The following ACVR2A variants were observed in gnomAD, a reference collection of about 807,000 sequenced individuals.
The protein encoded by ACVR2A is activin receptor type-2A.
A neutral mutation model predicts 61.4 loss-of-function variants in ACVR2A; 7 were observed. The ratio of observed to expected loss-of-function variants is 0.11; its 90% CI spans 0.06 to 0.21. The LOEUF (loss-of-function observed/expected upper bound fraction) is 0.21. Among genes scored for constraint, ACVR2A ranks in the 10% least tolerant of loss-of-function variants. ACVR2A has a pLI of 1.00. For synonymous variants in ACVR2A, 193 were observed against 208.3 expected (o/e 0.93, Z 0.63); for missense variants, 322 against 621.7 (o/e 0.52, Z 5.13).
chr2:147,884,703 A>G lies in ACVR2A; in HGVS notation c.56-11598A>G, dbSNP rs150236272. Among the ~76,000 whole-genome samples the G allele has an allele frequency of 3.7e-4, 57 of 152,248 alleles. No homozygotes were observed. In the East Asian group the frequency reaches 0.011, roughly 29 times the overall value. ...GGGAAAACAAATAAGGGACTGTGGA[A>G]GGCAAAAGCTTCATCTCTGTATTCT... On this transcript the variant is annotated intron_variant, in intron 1 of 10. Transcript: ENST00000241416.
At chr2:147,925,769 G>C (rs1687486987) in intron 9 of ACVR2A, 1 of 343,314 alleles carries the variant, frequency 2.9e-6, no homozygotes, top group Non-Finnish European at 5.2e-6. Flanking sequence ...ATGGAAATAG[G>C]CATCCTTTAT....
chr2:147,918,404 C>G (rs1362877182), intron 6 of ACVR2A, 43 bp from the exon 7 acceptor site: 2 of 1,570,744 alleles, frequency 1.3e-6, no homozygotes, highest in Admixed American at 1.9e-5. Context: ...TACATATGGC[C>G]TTTGTCAAGA....
chr2:147,901,457 G>A (rs1686870169), intron 4 of ACVR2A, among the ~76,000 whole-genome samples: 1 of 151,984 alleles, frequency 6.6e-6, no homozygotes, highest in Admixed American at 6.6e-5. Context: ...TCCTATGTAT[G>A]TGGTCAGTTT....
At chr2:147,924,357 C>T (rs562972257) in intron 9 of ACVR2A, among the ~76,000 whole-genome samples, 124 of 151,970 alleles carry the variant, frequency 8.2e-4, no homozygotes, top group Middle Eastern at 3.4e-3. Flanking sequence ...AAAATATATC[C>T]TGGACAATTA....
intron 1 of ACVR2A, among the ~76,000 whole-genome samples, chr2:147,865,915 T>C (rs200010035): frequency 3.4e-3 from 511 of 152,274 alleles, no homozygotes; most frequent in East Asian, 8.3e-3. Flanking sequence ...ACAGGGACAC[T>C]TGAGGTGATC....
intron 4 of ACVR2A, among the ~76,000 whole-genome samples, chr2:147,902,388 AGCACAT>A (rs1686890206): frequency 6.6e-6 from 1 of 152,004 alleles, no homozygotes; most frequent in South Asian, 2.1e-4. Context: ...TTTTTCATAA[AGCACAT>A]GCCTTTTGTT....
chr2:147,861,424 G>C (rs1429354661), intron 1 of ACVR2A, among the ~76,000 whole-genome samples: 2 of 152,070 alleles, frequency 1.3e-5, no homozygotes, highest in Non-Finnish European at 2.9e-5. Flanking sequence ...GTAGTTTATT[G>C]GTATAGTTTT....
rs1024670697 is a variant in ACVR2A at position 147,927,254 on chromosome 2, C to T, written c.1522C>T (p.Pro508Ser). The change falls in exon 11 of 11, where the codon CCC becomes TCC. Residue 508 changes from proline (P) to serine (S), a missense_variant. Pro to Ser is a moderately conservative substitution (Grantham distance 74). Coordinates refer to ENST00000241416, the MANE Select transcript of ACVR2A (RefSeq NM_001616.5). ...AATGGTGACAAATGTTGACTTTCCT[C>T]CCAAAGAATCTAGTCTATGATGGTT... ...VTMVTNVDFPPKESSL is the reference protein window; with the variant it reads ...VTMVTNVDFPSKESSL 21 of 1,611,108 alleles carry T rather than the reference C, an allele frequency of 1.3e-5. No individual in the cohort carries two copies. Among genetic ancestry groups the T allele is most frequent in the Non-Finnish European group, 1.8e-5 (21 of 1,178,268 alleles).
intron 1 of ACVR2A, among the ~76,000 whole-genome samples, chr2:147,879,609 T>C (rs1182422719): frequency 6.6e-6 from 1 of 152,148 alleles, no homozygotes; most frequent in Admixed American, 6.5e-5. Context: ...GTTCAAAGAG[T>C]GTCCACTTGT....
At chr2:147,856,228 A>G (rs1008422359) in intron 1 of ACVR2A, among the ~76,000 whole-genome samples, 8 of 152,196 alleles carry the variant, frequency 5.3e-5, no homozygotes, top group African/African-American at 1.7e-4. Flanking sequence ...GCTCTTTATT[A>G]TGGCAGAAGT....
In ACVR2A at chr2:147,899,982, A is replaced by G. The variant is rs1160776341; in HGVS notation, c.528+84A>G. The G allele has an allele frequency of 5.7e-6, 8 of 1,407,262 alleles. No homozygotes were observed. In the African/African-American group the frequency reaches 1.2e-4, roughly 20 times the overall value. 87.2% of individuals were successfully genotyped at this position (1,407,262 alleles called of 1,614,324 possible). On this transcript the variant is annotated intron_variant, in intron 4 of 10. Coordinates refer to ENST00000241416, the MANE Select transcript of ACVR2A (RefSeq NM_001616.5). ...CTGTGGTGAAACCCACTAACTTATT[A>G]CAGATTATTTTCCTTTGGAGTTAAT... is the stretch of plus-strand genomic sequence containing the variant.
chr2:147,896,911 C>T (rs987945503), intron 2 of ACVR2A: 26 of 159,466 alleles, frequency 1.6e-4, no homozygotes, highest in Admixed American at 1.2e-4. Flanking sequence ...TTTCAGTTTC[C>T]TTCTTTATGT....
At chr2:147,890,504 T>C (rs187507676) in intron 1 of ACVR2A, among the ~76,000 whole-genome samples, 1 of 152,270 alleles carries the variant, frequency 6.6e-6, no homozygotes, top group Non-Finnish European at 1.5e-5. Flanking sequence ...CACTCAGACA[T>C]ATGAATGTGA....
At chr2:147,867,474 C>T (rs910291173) in intron 1 of ACVR2A, among the ~76,000 whole-genome samples, 5 of 152,096 alleles carry the variant, frequency 3.3e-5, no homozygotes, top group African/African-American at 1.2e-4. Context: ...GTTTGACTTT[C>T]CATGTGTTTC....
rs1397260164 is a variant in ACVR2A at position 147,930,087 on chromosome 2, G to GA, written c.*2818dup. 6.6e-6 allele frequency: 1 copy of GA among 152,382 alleles called. No homozygotes were observed. The highest frequency in any genetic ancestry group is 1.5e-5 in the Non-Finnish European group (1 of 67,970). The allele number at this position is 152,382 out of a possible 1,614,324, so 9.4% of individuals were successfully genotyped here. ...AATTCTAGGTACCTTGTGAATTCCAGAAAAAGAGACTGTGCTTCACGATTG... is the reference window on the plus strand; with the variant it reads ...AATTCTAGGTACCTTGTGAATTCCAGAAAAAAGAGACTGTGCTTCACGATTG... On this transcript the variant is annotated 3_prime_UTR_variant, in exon 11 of 11. Coordinates refer to ENST00000241416, the MANE Select transcript of ACVR2A (RefSeq NM_001616.5).
chr2:147,901,798 G>A (rs1272988480), intron 4 of ACVR2A, among the ~76,000 whole-genome samples: 4 of 151,998 alleles, frequency 2.6e-5, no homozygotes, highest in Non-Finnish European at 5.9e-5. Flanking sequence ...TGGAAAAGGG[G>A]CATTGTCATC....
chr2:147,926,961 A>T, intron 10 of ACVR2A, 119 bp from the exon 11 acceptor site: 1 of 927,476 alleles, frequency 1.1e-6, no homozygotes, highest in Non-Finnish European at 1.6e-6. Flanking sequence ...ATAAAAGTGA[A>T]TGTTGACAGA....
intron 7 of ACVR2A, among the ~76,000 whole-genome samples, chr2:147,919,877 C>A (rs757481386): frequency 1.3e-5 from 2 of 152,076 alleles, no homozygotes; most frequent in Non-Finnish European, 2.9e-5. Flanking sequence ...TTTAAAATTT[C>A]TGTTTCTATG....
chr2:147,917,314 TCTA>T lies in ACVR2A; in HGVS notation c.706_708del (p.Tyr236del). ...CAGTCATGGCAAAATGAATACGAAG[TCTA>T]CAGTTTGCCTGGAATGAAGCATGAG... On this transcript the variant is annotated inframe_deletion, in exon 6 of 11. Transcript: ENST00000241416. 1 of 1,612,186 alleles carries T rather than the reference TCTA, an allele frequency of 6.2e-7. No individual in the cohort carries two copies. Among genetic ancestry groups the T allele is most frequent in the Non-Finnish European group, 8.5e-7 (1 of 1,178,830 alleles).
Sources: gnomAD v4.1 joint callset for allele counts (sites outside exome capture counted in the v4.1 genomes callset) on GRCh38, gnomAD v4.1.1 for gene constraint, MANE v1.5 for transcripts, NCBI Gene and HGNC (gene_info 2026-07-23, HGNC 2026-07-21) for gene names.